The following RGS6 variants were observed in gnomAD, a reference collection of about 807,000 sequenced individuals.
The protein encoded by RGS6 is regulator of G-protein signaling 6.
RGS6 carries 30 observed loss-of-function variants against 78.5 expected under a neutral mutation model. The observed-to-expected ratio is 0.38, with a 90% CI of 0.29 to 0.52. The LOEUF is 0.52. Among genes scored for constraint, RGS6 ranks in the 20% least tolerant of loss-of-function variants. The pLI is 0.85. For missense variants in RGS6, 495 were observed against 609.7 expected (o/e 0.81, Z 1.98); for synonymous variants, 206 against 206.0 (o/e 1.00, Z 0.00).
chr14:72,018,132 C>T (rs1429784377), intron 2 of RGS6, among the ~76,000 whole-genome samples: 1 of 151,992 alleles, frequency 6.6e-6, no homozygotes, highest in Non-Finnish European at 1.5e-5. Context: ...GCATAGTATT[C>T]CATGGTGTAT....
At chr14:72,478,971 G>A (rs182212002) in intron 12 of RGS6, among the ~76,000 whole-genome samples, 34 of 152,196 alleles carry the variant, frequency 2.2e-4, no homozygotes, top group African/African-American at 7.9e-4. Context: ...GACCACATGG[G>A]GAATCTATAT....
At chr14:72,148,673 G>T (rs12891614) in intron 2 of RGS6, among the ~76,000 whole-genome samples, 19,138 of 152,144 alleles carry the variant, frequency 0.13, 1,391 homozygotes, top group South Asian at 0.19. Context: ...TGTGGGGGCA[G>T]GGTTATTAGC....
At chr14:71,872,777 A>G in the RGS6 span, among the ~76,000 whole-genome samples, 6 of 152,162 alleles carry the variant, frequency 3.9e-5, no homozygotes, top group East Asian at 9.7e-4. Context: ...ATATCTCCTA[A>G]TGCTATCCCT....
At chr14:72,117,132 G>A (rs189546681) in intron 2 of RGS6, among the ~76,000 whole-genome samples, 23 of 152,274 alleles carry the variant, frequency 1.5e-4, no homozygotes, top group African/African-American at 5.1e-4. Context: ...AAGAGCCAGT[G>A]CCCAGGTCCT....
chr14:72,550,668 A>G lies in RGS6; in HGVS notation c.1422+10574A>G, dbSNP rs2097492403. 2.0e-6 allele frequency: 3 copies of G among 1,478,510 alleles called. No individual in the cohort carries two copies. The Admixed American group carries it at 6.5e-5, about 32-fold the overall frequency. 91.6% of individuals were successfully genotyped at this position (1,478,510 alleles called of 1,614,324 possible). On this transcript the variant is annotated intron_variant, in intron 17 of 17. Coordinates refer to ENST00000553525, the MANE Select transcript of RGS6 (RefSeq NM_001204424.2). ...ATAATTCTAAATAATTAAAGGAGTC[A>G]ATCAATCACTAGCCTTTGTGAGTCA...
At chr14:72,156,470 A>G (rs1019748043) in intron 2 of RGS6, among the ~76,000 whole-genome samples, 2 of 151,742 alleles carry the variant, frequency 1.3e-5, no homozygotes, top group African/African-American at 4.8e-5. Context: ...AAAAAAAAAA[A>G]AAAAAAAATA....
intron 2 of RGS6, among the ~76,000 whole-genome samples, chr14:71,990,094 C>A (rs185653879): frequency 1.8e-4 from 28 of 152,264 alleles, no homozygotes; most frequent in African/African-American, 6.7e-4. Context: ...AGACACCATA[C>A]CCAAAGGGCA....
Position 72,518,396 on chromosome 14 carries a change from T to A in RGS6, c.1137T>A (p.Asp379Glu), listed in dbSNP as rs777923586. 1.9e-6 allele frequency: 3 copies of A among 1,614,166 alleles called. No homozygotes were observed. The change falls in exon 15 of 18, where the codon GAT (aspartate) becomes GAA (glutamate). Residue 379 changes from aspartate to glutamate, a missense_variant. By Grantham distance (45) the Asp-to-Glu change is conservative. Transcript: ENST00000553525. ...VQDLKKQPLQ[D>E]VAKRVEEIWQ... ...ATCTTAAGAAACAACCCCTACAGGA[T>A]GTGGCCAAGAGGGTAGAAGAAATCT...
chr14:72,167,824 A>G (rs1369257309), intron 2 of RGS6, among the ~76,000 whole-genome samples: 1 of 152,204 alleles, frequency 6.6e-6, no homozygotes, highest in Admixed American at 6.5e-5. Flanking sequence ...AGCTAATATT[A>G]AATAGCTGGG....
the RGS6 span, among the ~76,000 whole-genome samples, chr14:71,925,072 A>T: frequency 6.6e-6 from 1 of 151,866 alleles, no homozygotes; most frequent in African/African-American, 2.4e-5. Flanking sequence ...CCTTGCCAAC[A>T]CTTGTTATGT....
chr14:72,550,893 G>A (rs755738609), intron 17 of RGS6, among the ~76,000 whole-genome samples: 5 of 152,082 alleles, frequency 3.3e-5, no homozygotes, highest in Non-Finnish European at 5.9e-5. Flanking sequence ...AGGCTGGAGT[G>A]CAGTGGCGCA....
intron 3 of RGS6, among the ~76,000 whole-genome samples, chr14:72,358,348 G>T (rs1192887104): frequency 1.3e-5 from 2 of 152,188 alleles, no homozygotes; most frequent in Admixed American, 6.5e-5. Context: ...AGAATGGTAG[G>T]TCCACCCCCA....
chr14:72,494,237 A>G (rs907977895), intron 12 of RGS6, among the ~76,000 whole-genome samples: 13 of 152,328 alleles, frequency 8.5e-5, no homozygotes, highest in African/African-American at 2.6e-4. Context: ...ACAGCAAACA[A>G]TTTTTATCTA....
At chr14:72,234,561 C>T (rs899248329) in intron 2 of RGS6, among the ~76,000 whole-genome samples, 1 of 152,094 alleles carries the variant, frequency 6.6e-6, no homozygotes, top group Non-Finnish European at 1.5e-5. Flanking sequence ...GAGGATAGGA[C>T]ACCTTACTGA....
the RGS6 span, among the ~76,000 whole-genome samples, chr14:72,617,002 C>T: frequency 3.3e-5 from 5 of 152,100 alleles, no homozygotes; most frequent in East Asian, 3.9e-4. Flanking sequence ...AGGGGAACTC[C>T]GGGGCCATCC....
intron 3 of RGS6, among the ~76,000 whole-genome samples, chr14:72,430,697 G>T (rs1015124768): frequency 1.3e-5 from 2 of 152,166 alleles, no homozygotes; most frequent in African/African-American, 4.8e-5. Context: ...TTTTTTCTGT[G>T]TGGTGTTGTT....
intron 2 of RGS6, among the ~76,000 whole-genome samples, chr14:71,995,523 G>C (rs950918928): frequency 4.6e-5 from 7 of 152,134 alleles, no homozygotes; most frequent in Non-Finnish European, 8.8e-5. Flanking sequence ...TACTGGCTGG[G>C]GGCAGCCATG....
rs139681923 is a variant in RGS6 at position 72,272,803 on chromosome 14, A to G, written c.85-79292A>G. 3.7e-3 allele frequency among the ~76,000 whole-genome samples: 567 copies of G among 152,342 alleles called. 3 individuals are homozygous for G. Among genetic ancestry groups the G allele is most frequent in the African/African-American group, 0.013 (526 of 41,580 alleles). ...AGATAAAATTATGGCTCTACAGTTG[A>G]AATATCAGCTTTAAGAGAATCGACT... On this transcript the variant is annotated intron_variant, in intron 2 of 17. Transcript: ENST00000553525.
In RGS6 at chr14:72,043,274, C is replaced by T. The variant is rs371146984; in HGVS notation, c.84+78399C>T. Among the ~76,000 whole-genome samples the T allele has an allele frequency of 7.9e-5, 12 of 152,056 alleles. No individual in the cohort carries two copies. In the South Asian group the frequency reaches 2.5e-3, roughly 32 times the overall value. ...AAATTTGTACAACTTTCTTTAGTAA[C>T]TTTTTTCCTTTGCTGTTGTGCCTGC... On this transcript the variant is annotated intron_variant, in intron 2 of 17. Coordinates refer to ENST00000553525, the MANE Select transcript of RGS6 (RefSeq NM_001204424.2).
Sources: allele counts gnomAD v4.1 joint callset (sites outside exome capture counted in the v4.1 genomes callset), GRCh38; gene constraint gnomAD v4.1.1; transcripts MANE v1.5; gene names NCBI Gene and HGNC (gene_info 2026-07-23, HGNC 2026-07-21).